STPG1: variants seen among roughly 807,000 people sequenced by gnomAD.
The protein encoded by STPG1 is O(6)-methylguanine-induced apoptosis 2.
Under a neutral mutation model 40.1 loss-of-function variants are expected in STPG1, and 33 were observed. That is an observed-to-expected ratio of 0.82 (90% confidence interval 0.62 to 1.10). The LOEUF (loss-of-function observed/expected upper bound fraction) is 1.10. Among genes scored for constraint, STPG1 ranks in the 50% least tolerant of loss-of-function variants. The probability of loss-of-function intolerance (pLI) is 0.00; values close to 1 mark genes in which losing one functional copy is unlikely to be tolerated. For missense variants in STPG1, 396 were observed against 415.1 expected, an observed-to-expected ratio of 0.95 and a Z score of 0.40; for synonymous variants, 150 against 155.0, an observed-to-expected ratio of 0.97 and a Z score of 0.24.
At chr1:24,382,662 T>C (rs2148697917) in intron 4 of STPG1, among the ~76,000 whole-genome samples, 1 of 152,332 alleles carries the variant, frequency 6.6e-6, no homozygotes, top group South Asian at 2.1e-4. Context: ...CAAACTCAGC[T>C]TCTTCGGTAA....
rs752372273 is a variant in STPG1, at chr1:24,358,396, G to A, written c.*147C>T. The A allele has an allele frequency of 2.8e-5, 21 of 754,148 alleles. No homozygotes were observed. The highest frequency in any genetic ancestry group is 2.5e-4 in the Admixed American group (13 of 52,154). 46.7% of individuals were successfully genotyped at this position (754,148 alleles called of 1,614,324 possible). ...AAGACAAAGGCAATGGCAGCAGTCC[G>A]GCTAGGATGCCAGGCCAGAGTGGTA... On this transcript the variant is annotated 3_prime_UTR_variant, in exon 9 of 9. Transcript: ENST00000337248.
chr1:24,364,220 A>ACC, intron 7 of STPG1: 1 of 1,539,916 alleles, frequency 6.5e-7, no homozygotes, highest in African/African-American at 1.4e-5. Flanking sequence ...CTGTCTCGCC[A>ACC]CCCCCCACCT....
chr1:24,364,066 C>A, intron 7 of STPG1: 1 of 1,360,358 alleles, frequency 7.4e-7, no homozygotes, highest in Non-Finnish European at 9.6e-7. Context: ...CTTCCAGAAA[C>A]ACCCAACACA....
At chr1:24,403,220 C>A (rs1446339671) in intron 1 of STPG1, among the ~76,000 whole-genome samples, 1 of 152,048 alleles carries the variant, frequency 6.6e-6, no homozygotes, top group Non-Finnish European at 1.5e-5. Flanking sequence ...AAAAAGAATA[C>A]CCTTTTTTCA....
intron 3 of STPG1, among the ~76,000 whole-genome samples, chr1:24,385,166 C>T (rs1035337902): frequency 6.6e-6 from 1 of 152,198 alleles, no homozygotes; most frequent in African/African-American, 2.4e-5. Flanking sequence ...CAGTGCCTTC[C>T]AGGACTTTCC....
intron 3 of STPG1, among the ~76,000 whole-genome samples, chr1:24,390,335 C>T (rs1642706607): frequency 6.6e-6 from 1 of 152,066 alleles, no homozygotes; most frequent in South Asian, 2.1e-4. Flanking sequence ...CAGAACTTTC[C>T]AGGTTAGAGA....
chr1:24,362,578 C>A (rs116833624), intron 7 of STPG1, among the ~76,000 whole-genome samples: 1 of 152,216 alleles, frequency 6.6e-6, no homozygotes, highest in Non-Finnish European at 1.5e-5. Context: ...CCTAGTAGAG[C>A]ACCAGCACAT....
chr1:24,395,634 G>A (rs946906703), intron 2 of STPG1, among the ~76,000 whole-genome samples: 1 of 152,016 alleles, frequency 6.6e-6, no homozygotes, highest in Non-Finnish European at 1.5e-5. Flanking sequence ...GGGTTTCACC[G>A]TGTTAGCCAG....
intron 3 of STPG1, among the ~76,000 whole-genome samples, chr1:24,389,276 G>A (rs1046160775): frequency 6.6e-6 from 1 of 152,052 alleles, no homozygotes; most frequent in African/African-American, 2.4e-5. Flanking sequence ...CGGGGAATGG[G>A]GCCCATCCAC....
At position 24,383,798 on chromosome 1, in the gene STPG1, T is replaced by A. The variant is rs1177122195; in HGVS notation, c.291+104A>T. The A allele has an allele frequency of 2.6e-6, 2 of 774,206 alleles. 1 individual carries two copies. The highest frequency in any genetic ancestry group is 5.3e-4 in the Middle Eastern group (2 of 3,798). 48.0% of individuals were successfully genotyped at this position (774,206 alleles called of 1,614,324 possible). A position where few individuals can be genotyped will look rare whatever the true frequency, so the allele number is the denominator to read the frequency against. ...GCAGTTACTCTCCTAATTAGAACCA[T>A]AGGCCTTTGGAGAGAAAGGACCAGA... is the stretch of plus-strand genomic sequence containing the variant. On this transcript the variant is annotated intron_variant, in intron 4 of 8. Coordinates refer to ENST00000337248, the MANE Select transcript of STPG1 (RefSeq NM_001199013.2).
rs1371368410 is a variant in STPG1 at position 24,359,671 on chromosome 1, G to A, written c.929-1052C>T. On this transcript the variant is annotated intron_variant, in intron 8 of 8. Coordinates refer to ENST00000337248, the MANE Select transcript of STPG1 (RefSeq NM_001199013.2). This position sits in a 1 kb window ranked among gnomAD's most constrained non-coding sequence, Gnocchi z 5.3. ...CTTGGCTCCCTCGCACGGGAGCATC[G>A]TCAACACTCACAGAAAGGCTGGGTG... 6.6e-6 allele frequency among the ~76,000 whole-genome samples: 1 copy of A among 152,142 alleles called. No individual in the cohort carries two copies. Among genetic ancestry groups the A allele is most frequent in the Admixed American group, 6.5e-5 (1 of 15,278 alleles).
intron 6 of STPG1, 83 bp downstream of exon 6, chr1:24,373,619 C>A: frequency 1.1e-6 from 1 of 902,414 alleles, no homozygotes; most frequent in Non-Finnish European, 1.8e-6. Context: ...TCCAAAGACT[C>A]CCTGTGAAGA....
At chr1:24,387,801 A>G (rs1317726957) in intron 3 of STPG1, among the ~76,000 whole-genome samples, 1 of 152,158 alleles carries the variant, frequency 6.6e-6, no homozygotes, top group Non-Finnish European at 1.5e-5. Context: ...CAGAGCAGGG[A>G]GGCAGGACAG....
intron 3 of STPG1, among the ~76,000 whole-genome samples, chr1:24,389,764 C>A (rs1642682089): frequency 6.6e-6 from 1 of 151,984 alleles, no homozygotes; most frequent in Non-Finnish European, 1.5e-5. Context: ...GGAAACCAGA[C>A]AGAAAATGGG....
chr1:24,386,418 G>A (rs749215694), intron 3 of STPG1, among the ~76,000 whole-genome samples: 1 of 151,906 alleles, frequency 6.6e-6, no homozygotes, highest in Non-Finnish European at 1.5e-5. Context: ...AGCGGCAGCT[G>A]GAGCTGGCCA....
At chr1:24,390,376 G>C (rs520149) in intron 3 of STPG1, among the ~76,000 whole-genome samples, 29,425 of 152,098 alleles carry the variant, frequency 0.19, 3,236 homozygotes, top group East Asian at 0.29. Context: ...TTTAGGGAAG[G>C]GGGGGTGGTG....
rs1054497439 is a variant in STPG1, at chr1:24,358,202, C to T, written c.*341G>A. 13 of 538,456 alleles carry T rather than the reference C, an allele frequency of 2.4e-5. No homozygotes were observed. Among genetic ancestry groups the T allele is most frequent in the African/African-American group, 3.8e-5 (2 of 53,190 alleles). The allele number at this position is 538,456 out of a possible 1,614,324, so 33.4% of individuals were successfully genotyped here. A position where few individuals can be genotyped will look rare whatever the true frequency, so the allele number is the denominator to read the frequency against. On this transcript the variant is annotated 3_prime_UTR_variant, in exon 9 of 9. Coordinates refer to ENST00000337248, the MANE Select transcript of STPG1 (RefSeq NM_001199013.2). ...GTGGACTGATCCTCCTTGAAGTCTG[C>T]GCTTCAGGAGTCCCTTCAGTCTGCG...
Position 24,399,512 on chromosome 1 carries a change from T to C in STPG1, c.70+1807A>G, listed in dbSNP as rs1294527648. ...CTTAAGTATTAATAAAATAGACATGTACACTAAACATAAAGAGACTGATAA... is the reference window on the plus strand; with the variant it reads ...CTTAAGTATTAATAAAATAGACATGCACACTAAACATAAAGAGACTGATAA... On this transcript the variant is annotated intron_variant, in intron 2 of 8. Transcript: ENST00000337248. The surrounding 1 kb of genome is among the most constrained non-coding windows in gnomAD (Gnocchi z 4.0). Among the ~76,000 whole-genome samples the C allele has an allele frequency of 6.6e-6, 1 of 152,130 alleles. No homozygotes were observed. Among genetic ancestry groups the C allele is most frequent in the Non-Finnish European group, 1.5e-5 (1 of 68,000 alleles).
Position 24,389,721 on chromosome 1 carries a change from A to C in STPG1, c.189+1840T>G, listed in dbSNP as rs553597555. 4.0e-4 allele frequency among the ~76,000 whole-genome samples: 61 copies of C among 152,304 alleles called. 2 individuals are homozygous for C. The South Asian group carries it at 8.5e-3, about 21-fold the overall frequency. On this transcript the variant is annotated intron_variant, in intron 3 of 8. Transcript: ENST00000337248. ...AGGCTGGGCTGCAAATATCCTGGAG[A>C]GGGACAATATATTATCATTAAATTG...
Sources: allele counts gnomAD v4.1 joint callset (sites outside exome capture counted in the v4.1 genomes callset), GRCh38; gene constraint gnomAD v4.1.1; non-coding constraint Gnocchi (gnomAD v3.1); transcripts MANE v1.5; gene names NCBI Gene and HGNC (gene_info 2026-07-23, HGNC 2026-07-21).